Variants in RPRD2 observed in about 807,000 individuals in gnomAD.
RPRD2 encodes the protein regulation of nuclear pre-mRNA domain containing 2, also known as regulation of nuclear pre-mRNA domain-containing protein 2.
RPRD2 carries 12 observed loss-of-function variants against 104.4 expected under a neutral mutation model. The ratio of observed to expected loss-of-function variants is 0.11; its 90% confidence interval spans 0.07 to 0.19. RPRD2 has a LOEUF of 0.19. RPRD2 is among the 10% of genes least tolerant of loss of function. The pLI, the probability that RPRD2 is intolerant of heterozygous loss-of-function variation, is 1.00. For synonymous variants in RPRD2, 714 were observed against 684.9 expected (o/e 1.04, Z -0.66); for missense variants, 1,543 against 1,790.1 (o/e 0.86, Z 2.49).
At chr1:150,402,539 G>T (rs147791176) in intron 1 of RPRD2, among the ~76,000 whole-genome samples, 1,736 of 152,174 alleles carry the variant, frequency 0.011, 14 homozygotes, top group Non-Finnish European at 0.018. Flanking sequence ...AGCCACATGT[G>T]GTGGCACATG....
At chr1:150,468,023 G>A (rs587610363) in intron 10 of RPRD2, among the ~76,000 whole-genome samples, 4 of 152,056 alleles carry the variant, frequency 2.6e-5, no homozygotes, top group Admixed American at 6.6e-5. Context: ...TTAGCTGGGC[G>A]TGGTGGCTCA....
rs587653451 is a variant in RPRD2 at position 150,403,583 on chromosome 1, G to A, written c.206-14013G>A. ...TTGCAAGGTTCATCCATATTATGGCGTACGTCAGAATTTTCTCCTTCTTAT... is the reference window on the plus strand; with the variant it reads ...TTGCAAGGTTCATCCATATTATGGCATACGTCAGAATTTTCTCCTTCTTAT... On this transcript the variant is annotated intron_variant, in intron 1 of 10. Coordinates refer to ENST00000369068, the MANE Select transcript of RPRD2 (RefSeq NM_015203.5). 5.3e-5 allele frequency among the ~76,000 whole-genome samples: 8 copies of A among 152,114 alleles called. No individual in the cohort carries two copies. In the South Asian group the frequency reaches 1.0e-3, roughly 20 times the overall value.
rs1293885516 is a variant in RPRD2 at position 150,471,251 on chromosome 1, G to T, written c.2303G>T (p.Arg768Ile). The change falls in exon 11 of 11, where the codon AGA becomes ATA. Residue 768 changes from arginine (R) to isoleucine (I), a missense_variant. By Grantham distance (97) the Arg-to-Ile change is moderately conservative. Coordinates refer to ENST00000369068, the MANE Select transcript of RPRD2 (RefSeq NM_015203.5). This position sits in a 1 kb window ranked among gnomAD's most constrained non-coding sequence, Gnocchi z 5.3. The part of the protein sequence containing the change: ...SPGSSTPSST[R>I]SPPPGRDESY... ...GGTTCCTCAACACCCAGCAGTACAA[G>T]ATCACCACCCCCTGGGAGAGATGAA... The T allele has an allele frequency of 1.2e-6, 2 of 1,613,558 alleles. No homozygotes were observed. The highest frequency in any genetic ancestry group is 1.7e-6 in the Non-Finnish European group (2 of 1,179,846).
At chr1:150,467,677 G>A (rs782439724) in intron 10 of RPRD2, among the ~76,000 whole-genome samples, 107 of 152,206 alleles carry the variant, frequency 7.0e-4, no homozygotes, top group South Asian at 1.0e-3. Flanking sequence ...CCTGGCCGAT[G>A]TGAAATTTCT....
In RPRD2 at chr1:150,460,062, G is replaced by A. The variant is rs1553898444; in HGVS notation, c.1156G>A (p.Glu386Lys). ...ATCTCTTTTCTTTGTTGAAACAGTC[G>A]AGGACAGGAAGGAAAAACCTGCAGA... ...VEDDGSKIIVEDRKEKPAEKS... is the reference protein window; with the variant it reads ...VEDDGSKIIVKDRKEKPAEKS... The change falls in exon 9 of 11, where the codon GAG (glutamate) becomes AAG (lysine). Residue 386 changes from glutamate to lysine, a missense_variant and splice_region_variant. Around this residue, in one of 4 missense-constraint regions of RPRD2, gnomAD observed 572 missense variants for 787.3 expected, o/e 0.73. Transcript: ENST00000369068. 6.2e-7 allele frequency: 1 copy of A among 1,613,588 alleles called. No homozygotes were observed. The highest frequency in any genetic ancestry group is 1.7e-5 in the Admixed American group (1 of 59,970).
At chr1:150,396,132 G>GTTTTTCATATGTTTGTTTGACA (rs1662501124) in intron 1 of RPRD2, among the ~76,000 whole-genome samples, 1 of 149,272 alleles carries the variant, frequency 6.7e-6, no homozygotes, top group Non-Finnish European at 1.5e-5. Flanking sequence ...TTTGACATTT[G>GTTTTTCATATGTTTGTTTGACA]TATGCCTTCT....
chr1:150,464,686 C>T lies in RPRD2; in HGVS notation c.1571C>T (p.Ala524Val), dbSNP rs1167800987. The part of the protein sequence containing the change: ...VEITPESILS[A>V]LSKTQTQSAP... ...ATCACCCCAGAGAGCATTCTGTCTG[C>T]ACTTTCCAAAACCCAGACACAGTCA... Residue 524 changes from alanine to valine, a missense_variant, in exon 10 of 11, where the codon GCA becomes GTA. Coordinates refer to ENST00000369068, the MANE Select transcript of RPRD2 (RefSeq NM_015203.5). The T allele has an allele frequency of 5.0e-6, 8 of 1,612,918 alleles. No individual in the cohort carries two copies. The highest frequency in any genetic ancestry group is 6.8e-6 in the Non-Finnish European group (8 of 1,179,484).
At chr1:150,375,638 T>C (rs1660628577) in intron 1 of RPRD2, among the ~76,000 whole-genome samples, 1 of 152,238 alleles carries the variant, frequency 6.6e-6, no homozygotes, top group Non-Finnish European at 1.5e-5. Flanking sequence ...AACTAATAAA[T>C]AATAGTTGCA....
Position 150,444,394 on chromosome 1 carries a change from TTTAGAG to T in RPRD2, c.694+19_694+24del, listed in dbSNP as rs1666619500. 1 of 1,605,770 alleles carries T rather than the reference TTTAGAG, an allele frequency of 6.2e-7. No individual in the cohort carries two copies. Among genetic ancestry groups the T allele is most frequent in the Non-Finnish European group, 8.5e-7 (1 of 1,176,850 alleles). The stretch of plus-strand genomic sequence containing the variant: ...GCTTAAAAGGTAATGCTTACATCCT[TTTAGAG>T]TAAGTCAGATTTTCTTTCCATATGT... On this transcript the variant is annotated intron_variant, in intron 6 of 10. Coordinates refer to ENST00000369068, the MANE Select transcript of RPRD2 (RefSeq NM_015203.5).
At chr1:150,406,902 A>G (rs1209651426) in intron 1 of RPRD2, among the ~76,000 whole-genome samples, 1 of 151,812 alleles carries the variant, frequency 6.6e-6, no homozygotes, top group Non-Finnish European at 1.5e-5. Flanking sequence ...TTAGTAAGAG[A>G]CAGGGTTTCT....
intron 2 of RPRD2, among the ~76,000 whole-genome samples, chr1:150,421,355 A>G (rs1202993102): frequency 1.3e-5 from 2 of 152,210 alleles, no homozygotes; most frequent in African/African-American, 4.8e-5. Context: ...AATTTAAAGG[A>G]TATTAAAGAA....
rs1404567634 is a variant in RPRD2, at chr1:150,446,400, A to G, written c.869A>G (p.Asn290Ser). The G allele has an allele frequency of 3.8e-6, 6 of 1,585,666 alleles. No individual in the cohort carries two copies. The highest frequency in any genetic ancestry group is 2.6e-6 in the Non-Finnish European group (3 of 1,171,450). Reference sequence around the variant, plus strand: ...TACAAAGAAGTAAAAGTGGTGGCTAATGTAAGTAATAATTAAAGCTGTCTT... The same window carrying G: ...TACAAAGAAGTAAAAGTGGTGGCTAGTGTAAGTAATAATTAAAGCTGTCTT... ...AQYKEVKVVA[N>S]AYKTFANRVN... Residue 290 changes from asparagine to serine, a missense_variant and splice_region_variant, in exon 7 of 11, where the codon AAT becomes AGT. Around this residue, in one of 4 missense-constraint regions of RPRD2, gnomAD observed 572 missense variants for 787.3 expected, o/e 0.73. Coordinates refer to ENST00000369068, the MANE Select transcript of RPRD2 (RefSeq NM_015203.5).
intron 1 of RPRD2, among the ~76,000 whole-genome samples, chr1:150,412,084 C>G (rs1663977790): frequency 6.6e-6 from 1 of 152,122 alleles, no homozygotes; most frequent in South Asian, 2.1e-4. Context: ...AATCACACCA[C>G]CGCACTCTGG....
rs762778482 is a variant in RPRD2 at position 150,442,305 on chromosome 1, AAAC to A, written c.514+352_514+354del. Among the ~76,000 whole-genome samples, 79 of 152,308 alleles carry A rather than the reference AAAC, an allele frequency of 5.2e-4. No homozygotes were observed. In the Middle Eastern group the frequency reaches 0.01, roughly 20 times the overall value. On this transcript the variant is annotated intron_variant, in intron 4 of 10. Transcript: ENST00000369068. ...TATGATGTTAGAGGCAGCTGGCATT[AAAC>A]AACAGATCTGAAGAGGAGACTAGGC...
chr1:150,367,915 G>A (rs1659964489), intron 1 of RPRD2, among the ~76,000 whole-genome samples: 1 of 152,078 alleles, frequency 6.6e-6, no homozygotes, highest in Middle Eastern at 3.4e-3. Context: ...TAGAGACAGG[G>A]TTTTACCATG....
intron 2 of RPRD2, among the ~76,000 whole-genome samples, chr1:150,426,404 G>C (rs587651343): frequency 7.9e-5 from 12 of 152,066 alleles, no homozygotes; most frequent in African/African-American, 2.9e-4. Context: ...TAACTTTCTC[G>C]TGCTTCAGTT....
At chr1:150,373,533 CTTTTT>C (rs56743462) in intron 1 of RPRD2, among the ~76,000 whole-genome samples, 13 of 97,416 alleles carry the variant, frequency 1.3e-4, no homozygotes, top group Admixed American at 4.5e-4. Flanking sequence ...TCAAGAATGA[CTTTTT>C]TTTTTTTTTT....
At chr1:150,380,144 C>T (rs989060942) in intron 1 of RPRD2, among the ~76,000 whole-genome samples, 8 of 152,190 alleles carry the variant, frequency 5.3e-5, no homozygotes, top group Admixed American at 3.3e-4. Context: ...CATCACTACC[C>T]ACCATTTTAT....
chr1:150,364,744 T>G lies in RPRD2; in HGVS notation c.30T>G (p.Ser10Arg). 6.3e-7 allele frequency: 1 copy of G among 1,591,778 alleles called. No homozygotes were observed. Among genetic ancestry groups the G allele is most frequent in the Non-Finnish European group, 8.6e-7 (1 of 1,168,944 alleles). MAAGGGGGS[S>R]KASSSSASSA... Reference sequence around the variant, plus strand: ...CGGCCGGCGGCGGCGGAGGCAGCAGTAAGGCCTCCTCCTCGTCGGCCTCTT... The same window carrying G: ...CGGCCGGCGGCGGCGGAGGCAGCAGGAAGGCCTCCTCCTCGTCGGCCTCTT... The change falls in exon 1 of 11, where the codon AGT becomes AGG. Residue 10 changes from serine to arginine, a missense_variant. Transcript: ENST00000369068.
Sources: gnomAD v4.1 joint callset for allele counts (sites outside exome capture counted in the v4.1 genomes callset) on GRCh38, gnomAD v4.1.1 for gene constraint, gnomAD v4.1.1 regional missense constraint, Gnocchi (gnomAD v3.1) non-coding constraint, MANE v1.5 for transcripts, NCBI Gene and HGNC (gene_info 2026-07-23, HGNC 2026-07-21) for gene names.